Variants in CUL3 observed in about 807,000 individuals in gnomAD.
The protein encoded by CUL3 is cullin 3, also known as cullin-3.
CUL3 carries 19 observed loss-of-function variants against 89.1 expected under a neutral mutation model. The ratio of observed to expected loss-of-function variants is 0.21; its 90% CI spans 0.15 to 0.31. The LOEUF is 0.31. Ranked by LOEUF, CUL3 falls within the 10% of genes least tolerant of loss-of-function variation. The probability of loss-of-function intolerance (pLI) is 1.00; values close to 1 mark genes in which losing one functional copy is unlikely to be tolerated. For synonymous variants in CUL3, 351 were observed against 308.4 expected (o/e 1.14, Z -1.45); for missense variants, 469 against 942.3 (o/e 0.50, Z 6.58).
intron 3 of CUL3, among the ~76,000 whole-genome samples, chr2:224,526,585 CAAAAA>C (rs1166152595): frequency 1.5e-4 from 4 of 26,166 alleles, no homozygotes; most frequent in African/African-American, 2.7e-4. Flanking sequence ...GACTCCGTCT[CAAAAA>C]AAAAAAAAAA....
rs766445094 is a variant in CUL3 at position 224,485,267 on chromosome 2, G to C, written c.1843-3189C>G. Reference sequence around the variant, plus strand: ...TGGCAGCCGGAACCCCAGCGAGAGAGAACCGTCCACTCCCCTGGAAAGGGG... The same window carrying C: ...TGGCAGCCGGAACCCCAGCGAGAGACAACCGTCCACTCCCCTGGAAAGGGG... On this transcript the variant is annotated intron_variant, in intron 13 of 15. Coordinates refer to ENST00000264414, the MANE Select transcript of CUL3 (RefSeq NM_003590.5). This position sits in a 1 kb window ranked among gnomAD's most constrained non-coding sequence, Gnocchi z 4.1. 6.6e-6 allele frequency: 1 copy of C among 152,356 alleles called. No individual in the cohort carries two copies. Among genetic ancestry groups the C allele is most frequent in the African/African-American group, 2.4e-5 (1 of 41,400 alleles). The allele number at this position is 152,356 out of a possible 1,614,324, so 9.4% of individuals were successfully genotyped here.
intron 3 of CUL3, among the ~76,000 whole-genome samples, chr2:224,524,951 A>C (rs1693412879): frequency 6.6e-6 from 1 of 152,118 alleles, no homozygotes; most frequent in Non-Finnish European, 1.5e-5. Flanking sequence ...AACTACTAAA[A>C]TAACATGTAA....
chr2:224,503,644 C>A lies in CUL3; in HGVS notation c.1377+8G>T. 6.4e-7 allele frequency: 1 copy of A among 1,568,692 alleles called. No homozygotes were observed. Among genetic ancestry groups the A allele is most frequent in the Non-Finnish European group, 8.6e-7 (1 of 1,161,174 alleles). On this transcript the variant is annotated splice_region_variant and intron_variant, in intron 9 of 15. Coordinates refer to ENST00000264414, the MANE Select transcript of CUL3 (RefSeq NM_003590.5). The stretch of plus-strand genomic sequence containing the variant: ...GGTGCACTCTATTTCATCTAAAACA[C>A]ACCTTACCTTTAACTTAGATATCAT...
intron 1 of CUL3, chr2:224,569,844 G>C: frequency 4.0e-6 from 4 of 1,002,252 alleles, no homozygotes; most frequent in Non-Finnish European, 3.6e-6. Context: ...ATTTAGAACA[G>C]GGTGGGTGGG....
At chr2:224,582,292 G>T (rs1172092089) in intron 1 of CUL3, among the ~76,000 whole-genome samples, 2 of 152,156 alleles carry the variant, frequency 1.3e-5, no homozygotes, top group East Asian at 3.9e-4. Flanking sequence ...GGAACACTAG[G>T]TATTAACTAC....
chr2:224,510,984 A>T (rs1379223579), intron 6 of CUL3, among the ~76,000 whole-genome samples: 5 of 152,198 alleles, frequency 3.3e-5, no homozygotes, highest in African/African-American at 1.2e-4. Flanking sequence ...AGGTTTTAAG[A>T]GAATCACAAA....
intron 5 of CUL3, 95 bp from the exon 6 acceptor site, chr2:224,511,677 TAAATA>T (rs1692831426): frequency 1.1e-5 from 7 of 642,124 alleles, no homozygotes; most frequent in Non-Finnish European, 1.8e-5. Context: ...TAAATCAGCC[TAAATA>T]AAATAAGTAC....
At chr2:224,557,883 C>CCAA in intron 1 of CUL3, 27 bp from the exon 2 acceptor site, 1 of 110,388 alleles carries the variant, frequency 9.1e-6, no homozygotes, top group South Asian at 1.5e-4. Context: ...AGAGAAGAGA[C>CCAA]AAAAAAAAAA....
At chr2:224,537,120 G>A (rs1693927900) in intron 2 of CUL3, among the ~76,000 whole-genome samples, 1 of 152,216 alleles carries the variant, frequency 6.6e-6, no homozygotes, top group African/African-American at 2.4e-5. Flanking sequence ...AATGTATGTT[G>A]AGATATATAG....
chr2:224,525,180 C>A (rs1037990789), intron 3 of CUL3, among the ~76,000 whole-genome samples: 9 of 152,078 alleles, frequency 5.9e-5, no homozygotes, highest in Non-Finnish European at 8.8e-5. Flanking sequence ...CTGGGTTTAT[C>A]ATAAACTCTA....
intron 15 of CUL3, among the ~76,000 whole-genome samples, chr2:224,475,431 G>C (rs1691283103): frequency 6.6e-6 from 1 of 152,168 alleles, no homozygotes; most frequent in African/African-American, 2.4e-5. Flanking sequence ...CAACAGAGAT[G>C]AATCTAAACC....
At chr2:224,517,004 G>A (rs929046441) in intron 3 of CUL3, among the ~76,000 whole-genome samples, 1 of 152,010 alleles carries the variant, frequency 6.6e-6, no homozygotes, top group Non-Finnish European at 1.5e-5. Flanking sequence ...ATAACTAATC[G>A]TGTTTTACTT....
chr2:224,527,484 A>ACCT (rs1693523133), intron 3 of CUL3, among the ~76,000 whole-genome samples: 1 of 152,178 alleles, frequency 6.6e-6, no homozygotes, highest in Non-Finnish European at 1.5e-5. Flanking sequence ...GCTCCTTGCC[A>ACCT]CCTATTACCT....
At chr2:224,503,967 A>G in intron 8 of CUL3, 145 bp from the exon 9 acceptor site, 1 of 593,204 alleles carries the variant, frequency 1.7e-6, no homozygotes, top group Non-Finnish European at 2.8e-6. Flanking sequence ...CGGTTTGAGA[A>G]AGTGTCTCCT....
intron 2 of CUL3, among the ~76,000 whole-genome samples, chr2:224,556,923 T>C (rs1694730172): frequency 6.6e-6 from 1 of 152,062 alleles, no homozygotes; most frequent in Non-Finnish European, 1.5e-5. Flanking sequence ...GTTCACATCG[T>C]GCTATTCATG....
intron 3 of CUL3, among the ~76,000 whole-genome samples, chr2:224,529,645 G>A (rs1024747084): frequency 3.3e-5 from 5 of 151,822 alleles, no homozygotes; most frequent in East Asian, 1.9e-4. Context: ...TCAAATTAAC[G>A]TATGTAAGTA....
At chr2:224,583,627 T>C (rs1296364066) in intron 1 of CUL3, among the ~76,000 whole-genome samples, 4 of 152,250 alleles carry the variant, frequency 2.6e-5, no homozygotes, top group Non-Finnish European at 5.9e-5. Context: ...CTAAATTCCA[T>C]CGTACCTATT....
At chr2:224,517,292 C>T (rs1285468661) in intron 3 of CUL3, among the ~76,000 whole-genome samples, 1 of 152,140 alleles carries the variant, frequency 6.6e-6, no homozygotes, top group African/African-American at 2.4e-5. Flanking sequence ...ACATTTGCAT[C>T]CTGAACATTT....
intron 1 of CUL3, among the ~76,000 whole-genome samples, chr2:224,572,450 G>C (rs1695201733): frequency 6.7e-6 from 1 of 150,088 alleles, no homozygotes; most frequent in Admixed American, 6.6e-5. Flanking sequence ...TTTGAGACCA[G>C]CCTGGGCAAC....
Sources: allele counts gnomAD v4.1 joint callset (sites outside exome capture counted in the v4.1 genomes callset), GRCh38; gene constraint gnomAD v4.1.1; non-coding constraint Gnocchi (gnomAD v3.1); transcripts MANE v1.5; gene names NCBI Gene and HGNC (gene_info 2026-07-23, HGNC 2026-07-21).